The following SNX18 variants were observed in gnomAD, a reference collection of about 807,000 sequenced individuals.
SNX18 encodes sorting nexin-18.
A neutral mutation model predicts 48.7 loss-of-function variants in SNX18; 35 were observed. That is an observed-to-expected ratio of 0.72 (90% CI 0.55 to 0.95). The LOEUF (loss-of-function observed/expected upper bound fraction) is 0.95. Ranked by LOEUF, SNX18 falls within the 40% of genes least tolerant of loss-of-function variation. The pLI, the probability that SNX18 is intolerant of heterozygous loss-of-function variation, is 0.00. For synonymous variants in SNX18, 492 were observed against 384.7 expected, an observed-to-expected ratio of 1.28 and a Z score of -3.26; for missense variants, 824 against 871.0, an observed-to-expected ratio of 0.95 and a Z score of 0.68.
At chr5:54,556,385 A>C in the SNX18 span, among the ~76,000 whole-genome samples, 109,393 of 152,044 alleles carry the variant, frequency 0.72, 40,009 homozygotes, top group Non-Finnish European at 0.79. Context: ...AGCCACCTTC[A>C]TTCCTTGGCT....
rs772280770 is a variant in SNX18, at chr5:54,519,158, G to A, written c.1206G>A (p.Met402Ile). 1.2e-6 allele frequency: 2 copies of A among 1,613,886 alleles called. No individual in the cohort carries two copies. Among genetic ancestry groups the A allele is most frequent in the South Asian group, 2.2e-5 (2 of 91,060 alleles). ...AGAGGAAGGCCGAGAAGGACGAGATGGTGGGCGCCAACTTCTTCCTGACCC... is the reference window on the plus strand; with the variant it reads ...AGAGGAAGGCCGAGAAGGACGAGATAGTGGGCGCCAACTTCTTCCTGACCC... ...QGKRKAEKDE[M>I]VGANFFLTLS... Residue 402 changes from methionine to isoleucine, a missense_variant, in exon 1 of 2, where the codon ATG becomes ATA. Met to Ile is a conservative substitution (Grantham distance 10). Coordinates refer to ENST00000381410, the MANE Select transcript of SNX18 (RefSeq NM_001102575.2).
the SNX18 span, among the ~76,000 whole-genome samples, chr5:54,571,719 C>T: frequency 6.6e-6 from 1 of 152,192 alleles, no homozygotes; most frequent in Non-Finnish European, 1.5e-5. Context: ...TTCTGCCACT[C>T]CCTGAGCTGG....
chr5:54,576,098 G>T, the SNX18 span, among the ~76,000 whole-genome samples: 1 of 152,114 alleles, frequency 6.6e-6, no homozygotes, highest in Non-Finnish European at 1.5e-5. Context: ...TCCCACAGGG[G>T]TAGAGGAGAG....
In SNX18 at chr5:54,519,288, A is replaced by C. The variant is rs760304544; in HGVS notation, c.1336A>C (p.Asn446His). 3 of 1,613,992 alleles carry C rather than the reference A, an allele frequency of 1.9e-6. No individual in the cohort carries two copies. Residue 446 changes from asparagine to histidine, a missense_variant, in exon 1 of 2, where the codon AAC becomes CAC. Physicochemically the swap from Asn to His is moderately conservative, Grantham distance 68. Coordinates refer to ENST00000381410, the MANE Select transcript of SNX18 (RefSeq NM_001102575.2). The part of the protein sequence containing the change: ...KKMDDSALQL[N>H]HTANEFARKQ... ...GATGGACGACAGCGCGCTGCAGCTC[A>C]ACCACACGGCCAACGAGTTCGCGCG...
the SNX18 span, among the ~76,000 whole-genome samples, chr5:54,646,153 A>C: frequency 6.6e-6 from 1 of 152,112 alleles, no homozygotes; most frequent in Middle Eastern, 3.4e-3. Flanking sequence ...GCATGCTGAA[A>C]CCCCAAGAAG....
At chr5:54,628,905 C>T in the SNX18 span, among the ~76,000 whole-genome samples, 43 of 152,306 alleles carry the variant, frequency 2.8e-4, no homozygotes, top group African/African-American at 1.0e-3. Context: ...GTCTCCCCCT[C>T]GAGAAAACCC....
the SNX18 span, among the ~76,000 whole-genome samples, chr5:54,638,546 CTTCT>C: frequency 7.9e-5 from 12 of 152,144 alleles, no homozygotes; most frequent in Middle Eastern, 3.4e-3. Flanking sequence ...GGCTTGGTAT[CTTCT>C]TTGTTGTTTG....
the SNX18 span, among the ~76,000 whole-genome samples, chr5:54,586,284 T>C: frequency 2.6e-5 from 4 of 152,192 alleles, no homozygotes; most frequent in African/African-American, 9.6e-5. Flanking sequence ...GTGTATTATA[T>C]CCTCTAGCCA....
At chr5:54,585,158 G>C in the SNX18 span, among the ~76,000 whole-genome samples, 2 of 151,970 alleles carry the variant, frequency 1.3e-5, no homozygotes, top group Non-Finnish European at 2.9e-5. Context: ...CAGGCCTAGT[G>C]GCATGCACCT....
chr5:54,609,807 C>T, the SNX18 span, among the ~76,000 whole-genome samples: 1 of 152,024 alleles, frequency 6.6e-6, no homozygotes, highest in East Asian at 1.9e-4. Context: ...AAATGTAATC[C>T]CCCACATTGG....
rs142653603 is a variant in SNX18 at position 54,518,729 on chromosome 5, C to T, written c.777C>T (p.Cys259=). 1.2e-5 allele frequency: 19 copies of T among 1,602,862 alleles called. No individual in the cohort carries two copies. In the African/African-American group the frequency reaches 1.9e-4, roughly 16 times the overall value. The change falls in exon 1 of 2, where the codon TGC becomes TGT. Residue 259 remains cysteine (C), a synonymous_variant. Coordinates refer to ENST00000381410, the MANE Select transcript of SNX18 (RefSeq NM_001102575.2). ...SGFVKDGDKL[C]VVLGPYGPEW... ...TCGTGAAGGACGGGGACAAGCTGTG[C>T]GTGGTGCTGGGGCCCTATGGCCCCG...
chr5:54,582,236 C>T, the SNX18 span, among the ~76,000 whole-genome samples: 1 of 152,122 alleles, frequency 6.6e-6, no homozygotes, highest in Non-Finnish European at 1.5e-5. Context: ...GCCCCTGGCA[C>T]CAGGCATCTT....
the SNX18 span, among the ~76,000 whole-genome samples, chr5:54,570,378 A>G: frequency 5.6e-4 from 85 of 152,334 alleles, no homozygotes; most frequent in Non-Finnish European, 1.0e-3. Flanking sequence ...TGTTGTTTTC[A>G]GCTGCCTTAA....
chr5:54,527,759 A>G (rs1762163701), intron 1 of SNX18, among the ~76,000 whole-genome samples: 3 of 152,196 alleles, frequency 2.0e-5, no homozygotes, highest in South Asian at 4.1e-4. Flanking sequence ...GCTGTTAACT[A>G]CTGTTTTATA....
chr5:54,627,104 G>A, the SNX18 span, among the ~76,000 whole-genome samples: 3 of 152,168 alleles, frequency 2.0e-5, no homozygotes, highest in Admixed American at 2.0e-4. Context: ...GGTGTGCTAA[G>A]AAAAATAAAA....
At chr5:54,644,300 AAG>A in the SNX18 span, 2 of 152,224 alleles carry the variant, frequency 1.3e-5, no homozygotes, top group Non-Finnish European at 2.9e-5. Context: ...TTTAGTCAGT[AAG>A]TACAGTCAAG....
the SNX18 span, among the ~76,000 whole-genome samples, chr5:54,574,271 G>A: frequency 6.6e-6 from 1 of 152,224 alleles, no homozygotes; most frequent in Admixed American, 6.5e-5. Context: ...CTTCCTCACA[G>A]CATAGTGGCT....
At chr5:54,631,654 A>T in the SNX18 span, among the ~76,000 whole-genome samples, 1 of 144,510 alleles carries the variant, frequency 6.9e-6, no homozygotes, top group East Asian at 1.9e-4. Flanking sequence ...GGAAGATATC[A>T]TCATATATGA....
At chr5:54,519,744 A>T in intron 1 of SNX18, 171 bp downstream of exon 1, 2 of 1,614,182 alleles carry the variant, frequency 1.2e-6, no homozygotes, top group Non-Finnish European at 1.7e-6. Context: ...GGATTGCTCG[A>T]CAGGCAGCTT....
Sources: allele counts gnomAD v4.1 joint callset (sites outside exome capture counted in the v4.1 genomes callset), GRCh38; gene constraint gnomAD v4.1.1; transcripts MANE v1.5; gene names NCBI Gene and HGNC (gene_info 2026-07-23, HGNC 2026-07-21).